Variants in ZBTB20 observed in about 807,000 individuals in gnomAD.
ZBTB20 encodes zinc finger and BTB domain containing 20.
In ZBTB20, 9 loss-of-function variants were observed where a neutral mutation model predicts 56.9. The observed-to-expected ratio is 0.16, with a 90% CI of 0.10 to 0.28. ZBTB20 has a LOEUF of 0.28. Ranked by LOEUF, ZBTB20 falls within the 10% of genes least tolerant of loss-of-function variation. The pLI, the probability that ZBTB20 is intolerant of heterozygous loss-of-function variation, is 1.00. For synonymous variants in ZBTB20, 417 were observed against 420.7 expected (o/e 0.99, Z 0.11); for missense variants, 655 against 1,003.0 (o/e 0.65, Z 4.69).
intron 4 of ZBTB20, among the ~76,000 whole-genome samples, chr3:114,883,677 T>C (rs889358804): frequency 4.6e-5 from 7 of 152,252 alleles, no homozygotes; most frequent in Admixed American, 3.3e-4. Flanking sequence ...CCTTCTTCCA[T>C]TGTGACTTAA....
intron 5 of ZBTB20, among the ~76,000 whole-genome samples, chr3:114,749,837 C>G (rs1195813141): frequency 1.3e-5 from 2 of 152,146 alleles, no homozygotes; most frequent in African/African-American, 4.8e-5. Context: ...TAATGGTACC[C>G]ATCTCACAAA....
chr3:114,702,303 G>C (rs1300905186), intron 5 of ZBTB20, among the ~76,000 whole-genome samples: 1 of 152,172 alleles, frequency 6.6e-6, no homozygotes, highest in Admixed American at 6.5e-5. Flanking sequence ...AGCCATGATC[G>C]TGCTACTGCA....
At chr3:114,782,679 T>C (rs1303489381) in intron 5 of ZBTB20, among the ~76,000 whole-genome samples, 1 of 152,094 alleles carries the variant, frequency 6.6e-6, no homozygotes, top group Admixed American at 6.5e-5. Flanking sequence ...AGATAATGTG[T>C]TGTGGGAGAT....
At chr3:114,437,007 T>A (rs564129020) in intron 7 of ZBTB20, among the ~76,000 whole-genome samples, 2 of 152,322 alleles carry the variant, frequency 1.3e-5, no homozygotes, top group African/African-American at 4.8e-5. Flanking sequence ...CATGCCTTCA[T>A]GCTATAACCA....
rs143246114 is a variant in ZBTB20 at position 115,015,960 on chromosome 3, T to C, written c.-506-41544A>G. ...AACAGTGCAAAAGCATTCCTTTTTC[T>C]CCGCAACCTCACCAGCATCTGTTGT... On this transcript the variant is annotated intron_variant, in intron 2 of 11. Coordinates refer to ENST00000675478, the MANE Select transcript of ZBTB20 (RefSeq NM_001348800.3). Among the ~76,000 whole-genome samples the C allele has an allele frequency of 4.4e-3, 668 of 152,084 alleles. 5 individuals are homozygous for C. The highest frequency in any genetic ancestry group is 0.024 in the Middle Eastern group (7 of 294).
intron 6 of ZBTB20, among the ~76,000 whole-genome samples, chr3:114,592,652 C>T (rs1444383845): frequency 2.0e-5 from 3 of 152,182 alleles, no homozygotes; most frequent in Admixed American, 6.5e-5. Context: ...TCTATACTAA[C>T]TTACTTTTAA....
chr3:115,102,399 C>T (rs1335195004), intron 1 of ZBTB20, among the ~76,000 whole-genome samples: 4 of 151,410 alleles, frequency 2.6e-5, no homozygotes, highest in East Asian at 1.9e-4. Context: ...ATTGTTTCTC[C>T]GAAGCTTTAT....
rs1226275889 is a variant in ZBTB20, at chr3:114,325,467, T to G, written c.*13538A>C. 2 of 152,162 alleles carry G rather than the reference T, an allele frequency of 1.3e-5. No individual in the cohort carries two copies. Among genetic ancestry groups the G allele is most frequent in the Admixed American group, 6.5e-5 (1 of 15,268 alleles). The allele number at this position is 152,162 out of a possible 1,614,324, so 9.4% of individuals were successfully genotyped here. A position where few individuals can be genotyped will look rare whatever the true frequency, so the allele number is the denominator to read the frequency against. On this transcript the variant is annotated 3_prime_UTR_variant, in exon 12 of 12. Transcript: ENST00000675478. Reference sequence around the variant, plus strand: ...CTCCTCTCGGGCCCGGATAGCACATTAGGTATAGAAGTCAGGAGTTTCTAC... The same window carrying G: ...CTCCTCTCGGGCCCGGATAGCACATGAGGTATAGAAGTCAGGAGTTTCTAC...
chr3:114,351,459 A>C lies in ZBTB20; in HGVS notation c.619T>G (p.Ser207Ala). Residue 207 changes from serine to alanine, a missense_variant, in exon 11 of 12, where the codon TCG becomes GCG. Around this residue, in one of 10 missense-constraint regions of ZBTB20, gnomAD observed 167 missense variants for 281.9 expected, o/e 0.59. Coordinates refer to ENST00000675478, the MANE Select transcript of ZBTB20 (RefSeq NM_001348800.3). ...VGDVFPGIQD[S>A]GQDTPRGTPE... ...GTGCCCCGCGGCGTGTCCTGGCCCGAGTCCTGGATCCCCGGGAACACATCG... is the reference window on the plus strand; with the variant it reads ...GTGCCCCGCGGCGTGTCCTGGCCCGCGTCCTGGATCCCCGGGAACACATCG... 1 of 1,613,672 alleles carries C rather than the reference A, an allele frequency of 6.2e-7. No individual in the cohort carries two copies. Among genetic ancestry groups the C allele is most frequent in the South Asian group, 1.1e-5 (1 of 91,074 alleles).
chr3:115,054,449 T>C (rs1001803402), intron 2 of ZBTB20, among the ~76,000 whole-genome samples: 9 of 152,144 alleles, frequency 5.9e-5, no homozygotes, highest in African/African-American at 9.7e-5. Context: ...AGAGATTGTA[T>C]GAATTATCTC....
At chr3:114,382,324 C>A (rs2084469726) in intron 8 of ZBTB20, among the ~76,000 whole-genome samples, 1 of 152,172 alleles carries the variant, frequency 6.6e-6, no homozygotes, top group African/African-American at 2.4e-5. Context: ...TTTGCATTCA[C>A]TAAATCTAAG....
At chr3:114,497,325 C>T (rs2043391805) in intron 7 of ZBTB20, among the ~76,000 whole-genome samples, 1 of 152,062 alleles carries the variant, frequency 6.6e-6, no homozygotes, top group African/African-American at 2.4e-5. Flanking sequence ...GGATCAAGTC[C>T]AAACTCCTCT....
At position 114,804,313 on chromosome 3, in the gene ZBTB20, T is replaced by C. The variant is rs1578943315; in HGVS notation, c.-416-3139A>G. The stretch of plus-strand genomic sequence containing the variant: ...GAACAAAGGGCTGCTTCTGACCACA[T>C]TCTACTTTCTAAAATCCTCACACAG... On this transcript the variant is annotated intron_variant, in intron 4 of 11. Transcript: ENST00000675478. Among the ~76,000 whole-genome samples the C allele has an allele frequency of 2.0e-5, 3 of 152,074 alleles. No homozygotes were observed. The South Asian group carries it at 6.2e-4, about 32-fold the overall frequency.
At chr3:114,571,063 T>C (rs2053376634) in intron 6 of ZBTB20, among the ~76,000 whole-genome samples, 1 of 152,046 alleles carries the variant, frequency 6.6e-6, no homozygotes, top group South Asian at 2.1e-4. Flanking sequence ...TTTGTAAAAA[T>C]GTAATACTAA....
intron 4 of ZBTB20, among the ~76,000 whole-genome samples, chr3:114,866,049 C>T (rs1438615023): frequency 1.3e-5 from 2 of 152,144 alleles, no homozygotes; most frequent in Non-Finnish European, 2.9e-5. Context: ...TGGAGGCAAA[C>T]AGCTTAAGTT....
intron 7 of ZBTB20, among the ~76,000 whole-genome samples, chr3:114,487,854 G>A (rs946757522): frequency 3.3e-5 from 5 of 152,230 alleles, no homozygotes; most frequent in Non-Finnish European, 5.9e-5. Context: ...GATGGAGGAC[G>A]TTGATGACAT....
chr3:114,950,816 A>G (rs1446327116), intron 3 of ZBTB20, among the ~76,000 whole-genome samples: 1 of 152,162 alleles, frequency 6.6e-6, no homozygotes, highest in Admixed American at 6.6e-5. Context: ...TAGAATTGTG[A>G]TTATATTAAT....
At chr3:114,704,421 C>T (rs568148014) in intron 5 of ZBTB20, among the ~76,000 whole-genome samples, 10 of 152,012 alleles carry the variant, frequency 6.6e-5, no homozygotes, top group African/African-American at 2.4e-4. Context: ...TATATATAAA[C>T]ACACATACCC....
At chr3:114,845,734 C>A (rs1236283817) in intron 4 of ZBTB20, among the ~76,000 whole-genome samples, 2 of 152,158 alleles carry the variant, frequency 1.3e-5, no homozygotes, top group Non-Finnish European at 2.9e-5. Context: ...GCTATTCCAG[C>A]AATCCCATTT....
Sources: allele counts gnomAD v4.1 joint callset (sites outside exome capture counted in the v4.1 genomes callset), GRCh38; gene constraint gnomAD v4.1.1; regional missense constraint gnomAD v4.1.1; transcripts MANE v1.5; gene names NCBI Gene and HGNC (gene_info 2026-07-23, HGNC 2026-07-21).